The following ASB5 variants were observed in gnomAD, a reference collection of about 807,000 sequenced individuals.
The protein encoded by ASB5 is ankyrin repeat and SOCS box containing 5, also known as ankyrin repeat and SOCS box protein 5.
In ASB5, 45 loss-of-function variants were observed where a neutral mutation model predicts 42.1. The ratio of observed to expected loss-of-function variants is 1.07; its 90% confidence interval spans 0.84 to 1.37. The LOEUF is 1.37. Ranked by LOEUF, ASB5 falls within the 40% of genes most tolerant of loss-of-function variation. The pLI is 0.00. For missense variants in ASB5, 402 were observed against 399.8 expected (o/e 1.01, Z -0.05); for synonymous variants, 147 against 150.6 (o/e 0.98, Z 0.18).
intron 1 of ASB5, among the ~76,000 whole-genome samples, chr4:176,258,023 G>A (rs1179576629): frequency 6.6e-6 from 1 of 152,138 alleles, no homozygotes; most frequent in Admixed American, 6.6e-5. Context: ...GGCAAACATA[G>A]TTAATTTATT....
intron 6 of ASB5, 101 bp from the exon 7 acceptor site, chr4:176,215,828 G>GTTTTTA: frequency 8.4e-7 from 1 of 1,186,680 alleles, no homozygotes; most frequent in Non-Finnish European, 1.2e-6. Flanking sequence ...ATGCTTTGTA[G>GTTTTTA]TAAACCTAGG....
rs1560815453 is a variant in ASB5 at position 176,246,064 on chromosome 4, T to TA, written c.197-20724dup. ...AGTATATAAAAAAAAATTACACAGA[T>TA]AAAAAAAAAGAAATCCCCCATATTG... On this transcript the variant is annotated intron_variant, in intron 1 of 6. Transcript: ENST00000296525. Among the ~76,000 whole-genome samples, 36 of 150,558 alleles carry TA rather than the reference T, an allele frequency of 2.4e-4. No individual in the cohort carries two copies. In the East Asian group the frequency reaches 4.7e-3, roughly 20 times the overall value.
chr4:176,259,104 G>A (rs561037154), intron 1 of ASB5, among the ~76,000 whole-genome samples: 3 of 152,102 alleles, frequency 2.0e-5, no homozygotes, highest in Admixed American at 1.3e-4. Context: ...GAGAGAGAGA[G>A]AAGGAGAGAG....
At chr4:176,267,344 GC>G (rs1402844829) in intron 1 of ASB5, among the ~76,000 whole-genome samples, 5 of 152,262 alleles carry the variant, frequency 3.3e-5, no homozygotes, top group African/African-American at 9.6e-5. Context: ...TATAGTTCAG[GC>G]CTGGCACGGA....
At chr4:176,243,196 C>A (rs1029961841) in intron 1 of ASB5, among the ~76,000 whole-genome samples, 52 of 152,050 alleles carry the variant, frequency 3.4e-4, no homozygotes, top group Non-Finnish European at 6.5e-4. Context: ...ACTTTACAGT[C>A]CTGTGTATAC....
At chr4:176,273,817 A>C (rs1754517614), upstream of ASB5, among the ~76,000 whole-genome samples, 1 of 152,246 alleles carries the variant, frequency 6.6e-6, no homozygotes, top group Admixed American at 6.5e-5. Context: ...TAAGAGTTTA[A>C]AAAATAGATT....
intron 1 of ASB5, among the ~76,000 whole-genome samples, chr4:176,261,340 A>G (rs1754264717): frequency 6.6e-6 from 1 of 152,166 alleles, no homozygotes; most frequent in Non-Finnish European, 1.5e-5. Flanking sequence ...GGTGGTAATT[A>G]TTTCCGTCAT....
intron 1 of ASB5, among the ~76,000 whole-genome samples, chr4:176,259,572 TAGA>T (rs1434835021): frequency 1.3e-5 from 2 of 152,232 alleles, no homozygotes; most frequent in Non-Finnish European, 2.9e-5. Flanking sequence ...GAGACTGCTT[TAGA>T]AGAAGGATTG....
chr4:176,217,464 G>T (rs1485228226), intron 5 of ASB5, among the ~76,000 whole-genome samples: 1 of 151,924 alleles, frequency 6.6e-6, no homozygotes, highest in Non-Finnish European at 1.5e-5. Context: ...AGGCAATGAA[G>T]CTCTTTGGTT....
intron 1 of ASB5, among the ~76,000 whole-genome samples, chr4:176,257,894 C>G (rs1193128761): frequency 1.3e-5 from 2 of 152,178 alleles, no homozygotes; most frequent in Non-Finnish European, 1.5e-5. Context: ...GTTACATTGG[C>G]AGATAAATCA....
At chr4:176,238,989 T>A (rs1255484760) in intron 1 of ASB5, among the ~76,000 whole-genome samples, 2 of 152,234 alleles carry the variant, frequency 1.3e-5, no homozygotes, top group Admixed American at 6.5e-5. Flanking sequence ...GACCAGATTC[T>A]ATGACTAACA....
At chr4:176,245,630 A>G (rs1430096879) in intron 1 of ASB5, among the ~76,000 whole-genome samples, 2 of 152,166 alleles carry the variant, frequency 1.3e-5, no homozygotes, top group Admixed American at 6.5e-5. Flanking sequence ...CACAATAGCA[A>G]AGACTTGGAA....
intron 1 of ASB5, among the ~76,000 whole-genome samples, chr4:176,246,451 C>G (rs1418826615): frequency 1.3e-5 from 2 of 152,202 alleles, no homozygotes; most frequent in East Asian, 1.9e-4. Context: ...AAACCAGTAT[C>G]ACAGCACTAG....
chr4:176,240,963 T>C (rs1021257853), intron 1 of ASB5, among the ~76,000 whole-genome samples: 4 of 152,192 alleles, frequency 2.6e-5, no homozygotes, highest in African/African-American at 9.6e-5. Context: ...CAAACATATA[T>C]GCGCGTCCAT....
chr4:176,225,793 T>C (rs977542792), intron 1 of ASB5, among the ~76,000 whole-genome samples: 2 of 152,158 alleles, frequency 1.3e-5, no homozygotes, highest in Non-Finnish European at 2.9e-5. Flanking sequence ...TTTCACCATG[T>C]TGGCCAGGCT....
chr4:176,241,778 T>C (rs1753816589), intron 1 of ASB5: 1 of 769,286 alleles, frequency 1.3e-6, no homozygotes, highest in African/African-American at 1.8e-5. Flanking sequence ...AGGTCATTCA[T>C]TTATTGTATA....
intron 1 of ASB5, among the ~76,000 whole-genome samples, chr4:176,246,604 T>A (rs924614949): frequency 1.3e-5 from 2 of 152,202 alleles, no homozygotes; most frequent in Non-Finnish European, 2.9e-5. Flanking sequence ...AATGCTTTTT[T>A]AAAAATGCAT....
Position 176,221,591 on chromosome 4 carries a change from T to C in ASB5, c.394A>G (p.Ile132Val), listed in dbSNP as rs1397448159. 2.5e-6 allele frequency: 4 copies of C among 1,611,896 alleles called. No individual in the cohort carries two copies. The East Asian group carries it at 6.7e-5, about 27-fold the overall frequency. ...AACGGAGTCACGCCATCTATCGTGATTGCATTTACCTAAACCAAACCAAAA... is the reference window on the plus strand; with the variant it reads ...AACGGAGTCACGCCATCTATCGTGACTGCATTTACCTAAACCAAACCAAAA... ...LLEAGANVNA[I>V]TIDGVTPLFN... is the part of the protein sequence containing the mutation. Residue 132 changes from isoleucine (I) to valine (V), a missense_variant, in exon 4 of 7, where the codon ATC (isoleucine) becomes GTC (valine). By Grantham distance (29) the Ile-to-Val change is conservative (BLOSUM62 3). Coordinates refer to ENST00000296525, the MANE Select transcript of ASB5 (RefSeq NM_080874.4).
intron 1 of ASB5, among the ~76,000 whole-genome samples, chr4:176,260,856 T>C (rs1202351571): frequency 1.3e-5 from 2 of 152,110 alleles, no homozygotes; most frequent in African/African-American, 2.4e-5. Context: ...CTTGTATTTT[T>C]AGTAGAGATG....
Sources: allele counts gnomAD v4.1 joint callset (sites outside exome capture counted in the v4.1 genomes callset), GRCh38; gene constraint gnomAD v4.1.1; transcripts MANE v1.5; gene names NCBI Gene and HGNC (gene_info 2026-07-23, HGNC 2026-07-21).